The following KCNQ3 variants were observed in gnomAD, a reference collection of about 807,000 sequenced individuals.
The protein encoded by KCNQ3 is potassium voltage-gated channel subfamily KQT member 3.
Under a neutral mutation model 92.5 loss-of-function variants are expected in KCNQ3, and 30 were observed. The ratio of observed to expected loss-of-function variants is 0.32; its 90% CI spans 0.24 to 0.44. The LOEUF is 0.44. Among genes scored for constraint, KCNQ3 ranks in the 20% least tolerant of loss-of-function variants. The pLI is 1.00. For missense variants in KCNQ3, 913 were observed against 1,140.3 expected, an observed-to-expected ratio of 0.80 and a Z score of 2.87; for synonymous variants, 450 against 468.8, an observed-to-expected ratio of 0.96 and a Z score of 0.52.
chr8:132,436,474 C>G (rs547999964), intron 1 of KCNQ3, among the ~76,000 whole-genome samples: 3 of 152,108 alleles, frequency 2.0e-5, no homozygotes, highest in African/African-American at 7.2e-5. Context: ...GTATGTTGTT[C>G]GACTTTGTTT....
chr8:132,143,994 T>C (rs547251838), intron 9 of KCNQ3, among the ~76,000 whole-genome samples: 5 of 152,362 alleles, frequency 3.3e-5, no homozygotes, highest in African/African-American at 1.2e-4. Flanking sequence ...ACAAAATTAA[T>C]AGCAGCCACT....
rs186379858 is a variant in KCNQ3 at position 132,458,209 on chromosome 8, G to A, written c.386+21938C>T. On this transcript the variant is annotated intron_variant, in intron 1 of 14. Transcript: ENST00000388996. ...TGAGTCAGGAGTAGGGCCACACAGT[G>A]AGAAGTTCCCTAAGGTTCCTACCTC... is the stretch of plus-strand genomic sequence containing the variant. Among the ~76,000 whole-genome samples the A allele has an allele frequency of 4.6e-5, 7 of 152,276 alleles. No homozygotes were observed. The East Asian group carries it at 1.4e-3, about 29-fold the overall frequency.
chr8:132,380,931 GAAA>G (rs553931640), intron 1 of KCNQ3, among the ~76,000 whole-genome samples: 2,715 of 87,472 alleles, frequency 0.031, 83 homozygotes, highest in African/African-American at 0.087. Context: ...AATGAAAGCA[GAAA>G]AAAAAAAAAA....
intron 1 of KCNQ3, among the ~76,000 whole-genome samples, chr8:132,230,881 T>C (rs956643984): frequency 6.6e-6 from 1 of 152,178 alleles, no homozygotes; most frequent in Admixed American, 6.5e-5. Flanking sequence ...AAATTTATGT[T>C]GAAGTCCTAA....
chr8:132,441,950 T>C (rs1353443364), intron 1 of KCNQ3, among the ~76,000 whole-genome samples: 1 of 152,152 alleles, frequency 6.6e-6, no homozygotes, highest in African/African-American at 2.4e-5. Context: ...TGGAGGCCAT[T>C]ATCCTCAGCA....
intron 1 of KCNQ3, among the ~76,000 whole-genome samples, chr8:132,307,882 G>A (rs1176230366): frequency 6.6e-6 from 1 of 152,100 alleles, no homozygotes; most frequent in Non-Finnish European, 1.5e-5. Flanking sequence ...GAGTTGCACA[G>A]CTCCCCACAC....
intron 1 of KCNQ3, among the ~76,000 whole-genome samples, chr8:132,469,880 CAGA>C (rs570560811): frequency 3.8e-4 from 57 of 151,696 alleles, no homozygotes; most frequent in Non-Finnish European, 6.6e-4. Context: ...GTTCTCCAAG[CAGA>C]AGAAGGATAC....
At chr8:132,401,436 C>G (rs1034127280) in intron 1 of KCNQ3, among the ~76,000 whole-genome samples, 1 of 151,582 alleles carries the variant, frequency 6.6e-6, no homozygotes, top group Admixed American at 6.6e-5. Flanking sequence ...AGTGCAGTGG[C>G]ACGATCTTGG....
intron 1 of KCNQ3, among the ~76,000 whole-genome samples, chr8:132,241,924 A>T (rs1815011824): frequency 1.3e-5 from 2 of 152,188 alleles, no homozygotes; most frequent in African/African-American, 4.8e-5. Flanking sequence ...ATGAAACTGC[A>T]AGTGGAATTG....
rs1338596726 is a variant in KCNQ3 at position 132,175,434 on chromosome 8, C to T, written c.933+19G>A. Reference sequence around the variant, plus strand: ...TGACAGTCAATCTCACAGAATTGGCCTCCAAGGTAGTGACTCACCAGGCCC... The same window carrying T: ...TGACAGTCAATCTCACAGAATTGGCTTCCAAGGTAGTGACTCACCAGGCCC... On this transcript the variant is annotated intron_variant, in intron 5 of 14. Coordinates refer to ENST00000388996, the MANE Select transcript of KCNQ3 (RefSeq NM_004519.4). The T allele has an allele frequency of 6.2e-7, 1 of 1,614,030 alleles. No individual in the cohort carries two copies. Among genetic ancestry groups the T allele is most frequent in the Non-Finnish European group, 8.5e-7 (1 of 1,179,876 alleles).
chr8:132,179,123 A>C (rs1276210765), intron 4 of KCNQ3, among the ~76,000 whole-genome samples: 1 of 150,720 alleles, frequency 6.6e-6, no homozygotes, highest in East Asian at 2.0e-4. Context: ...GCTGAGACAC[A>C]GGGGTTTTCC....
chr8:132,175,049 C>A (rs1826502877), intron 5 of KCNQ3, among the ~76,000 whole-genome samples: 1 of 152,224 alleles, frequency 6.6e-6, no homozygotes, highest in Admixed American at 6.5e-5. Context: ...GCAAAGAAAG[C>A]CTTCAGTGAA....
At chr8:132,138,321 C>T (rs1338441362) in intron 11 of KCNQ3, among the ~76,000 whole-genome samples, 1 of 152,142 alleles carries the variant, frequency 6.6e-6, no homozygotes, top group Non-Finnish European at 1.5e-5. Context: ...TATGAACAAT[C>T]CTGATAACAG....
rs1056601345 is a variant in KCNQ3 at position 132,363,433 on chromosome 8, C to T, written c.386+116714G>A. On this transcript the variant is annotated intron_variant, in intron 1 of 14. Coordinates refer to ENST00000388996, the MANE Select transcript of KCNQ3 (RefSeq NM_004519.4). ...TGGAATGCACTTTGGAAAATGCTACCGGGCCAGGTGGTGTGGCAAAGGAGG... is the reference window on the plus strand; with the variant it reads ...TGGAATGCACTTTGGAAAATGCTACTGGGCCAGGTGGTGTGGCAAAGGAGG... 5.9e-5 allele frequency among the ~76,000 whole-genome samples: 9 copies of T among 152,094 alleles called. No individual in the cohort carries two copies. The South Asian group carries it at 6.2e-4, about 11-fold the overall frequency.
chr8:132,137,769 G>A (rs769384470), intron 12 of KCNQ3, 116 bp downstream of exon 12: 7 of 1,288,558 alleles, frequency 5.4e-6, no homozygotes, highest in Non-Finnish European at 7.8e-6. Context: ...GTGGATATTT[G>A]TCTTCTTAAA....
At chr8:132,459,583 C>T (rs964326632) in intron 1 of KCNQ3, among the ~76,000 whole-genome samples, 2 of 152,136 alleles carry the variant, frequency 1.3e-5, no homozygotes, top group African/African-American at 4.8e-5. Context: ...AGGGATCTAA[C>T]CCCATGACCC....
intron 1 of KCNQ3, among the ~76,000 whole-genome samples, chr8:132,432,949 C>T (rs528906418): frequency 1.3e-5 from 2 of 152,148 alleles, no homozygotes; most frequent in African/African-American, 4.8e-5. Flanking sequence ...CAAACAGACA[C>T]GGCAACTACA....
intron 1 of KCNQ3, among the ~76,000 whole-genome samples, chr8:132,230,066 CTG>C (rs1320571334): frequency 6.6e-6 from 1 of 152,152 alleles, no homozygotes; most frequent in African/African-American, 2.4e-5. Flanking sequence ...TTGTCAATAA[CTG>C]TTTTTCTCTG....
At position 132,127,087 on chromosome 8, in the gene KCNQ3, G is replaced by A; in HGVS notation, c.*2175C>T. 6.6e-6 allele frequency: 1 copy of A among 152,152 alleles called. No homozygotes were observed. The highest frequency in any genetic ancestry group is 1.9e-4 in the East Asian group (1 of 5,178). The allele number at this position is 152,152 out of a possible 1,614,324, so 9.4% of individuals were successfully genotyped here. On this transcript the variant is annotated 3_prime_UTR_variant, in exon 15 of 15. Transcript: ENST00000388996. ...CAGGATTCAATAATCAAGCCCTCAG[G>A]AAGGGGCATAGGGTTTCTTAGGTTG...
Sources: gnomAD v4.1 joint callset for allele counts (sites outside exome capture counted in the v4.1 genomes callset) on GRCh38, gnomAD v4.1.1 for gene constraint, MANE v1.5 for transcripts, NCBI Gene and HGNC (gene_info 2026-07-23, HGNC 2026-07-21) for gene names.